CAMTA1: variants seen among roughly 807,000 people sequenced by gnomAD.
CAMTA1 encodes calmodulin-binding transcription activator 1.
Under a neutral mutation model 170.9 loss-of-function variants are expected in CAMTA1, and 27 were observed. That is an observed-to-expected ratio of 0.16 (90% CI 0.12 to 0.22). CAMTA1 has a LOEUF of 0.22. Among genes scored for constraint, CAMTA1 ranks in the 10% least tolerant of loss-of-function variants. CAMTA1 has a pLI of 1.00. For synonymous variants in CAMTA1, 833 were observed against 891.5 expected, an observed-to-expected ratio of 0.93 and a Z score of 1.17; for missense variants, 1,619 against 2,217.2, an observed-to-expected ratio of 0.73 and a Z score of 5.42.
intron 22 of CAMTA1, among the ~76,000 whole-genome samples, chr1:7,756,569 C>G (rs1482366817): frequency 1.3e-5 from 2 of 152,024 alleles, no homozygotes; most frequent in East Asian, 3.9e-4. Context: ...CAGGAATAGG[C>G]CAGGTACGAT....
chr1:7,134,468 A>AATT (rs113900869), intron 4 of CAMTA1, among the ~76,000 whole-genome samples: 5,435 of 151,426 alleles, frequency 0.036, 258 homozygotes, highest in African/African-American at 0.11. Flanking sequence ...TAATTAAACA[A>AATT]ATTATTATTA....
Position 7,736,438 on chromosome 1 carries a change from C to T in CAMTA1, c.3161C>T (p.Ser1054Phe). The change falls in exon 13 of 23, where the codon TCC (serine) becomes TTC (phenylalanine). Residue 1054 changes from serine (S) to phenylalanine (F), a missense_variant. Ser to Phe is a radical substitution (Grantham distance 155). Around this residue, in one of 8 missense-constraint regions of CAMTA1, gnomAD observed 143 missense variants for 184.2 expected, o/e 0.78. Coordinates refer to ENST00000303635, the MANE Select transcript of CAMTA1 (RefSeq NM_015215.4). This position sits in a 1 kb window ranked among gnomAD's most constrained non-coding sequence, Gnocchi z 4.5. ...KMMSRACWAK[S>F]KHLIHSKTFR... ...ATGAGCCGAGCCTGCTGGGCGAAGT[C>T]CAAGCACTTGATCCACTCAAAGACT... 1.2e-6 allele frequency: 2 copies of T among 1,614,076 alleles called. No individual in the cohort carries two copies. The highest frequency in any genetic ancestry group is 1.7e-6 in the Non-Finnish European group (2 of 1,180,032).
chr1:7,750,112 A>C (rs539922216), intron 19 of CAMTA1, among the ~76,000 whole-genome samples: 8 of 152,280 alleles, frequency 5.3e-5, no homozygotes, highest in Admixed American at 1.3e-4. Context: ...CTGAGTGTGT[A>C]GTGTGCACAG....
intron 4 of CAMTA1, among the ~76,000 whole-genome samples, chr1:7,204,032 G>A (rs1657220403): frequency 6.6e-6 from 1 of 151,632 alleles, no homozygotes; most frequent in Admixed American, 6.6e-5. Flanking sequence ...TAGAGATGGG[G>A]TTTCACTGTG....
chr1:7,690,233 G>A (rs1035909271), intron 11 of CAMTA1, among the ~76,000 whole-genome samples: 2 of 152,216 alleles, frequency 1.3e-5, no homozygotes, highest in East Asian at 1.9e-4. Flanking sequence ...TTTCTTTGGC[G>A]AGGTCAAGTT....
chr1:6,869,893 T>G (rs1667892562), intron 3 of CAMTA1, among the ~76,000 whole-genome samples: 1 of 152,124 alleles, frequency 6.6e-6, no homozygotes, highest in African/African-American at 2.4e-5. Flanking sequence ...GATAGAAGAT[T>G]TGGGCTAACA....
intron 4 of CAMTA1, among the ~76,000 whole-genome samples, chr1:7,217,808 CT>C (rs573514807): frequency 8.5e-5 from 13 of 152,180 alleles, no homozygotes; most frequent in African/African-American, 2.9e-4. Flanking sequence ...TTTGTCTTTC[CT>C]TTTTTTGTTT....
chr1:7,137,253 C>T (rs1294353656), intron 4 of CAMTA1, among the ~76,000 whole-genome samples: 1 of 152,208 alleles, frequency 6.6e-6, no homozygotes, highest in Non-Finnish European at 1.5e-5. Context: ...ACTGCTTTCA[C>T]TAGAGTCTAT....
intron 5 of CAMTA1, among the ~76,000 whole-genome samples, chr1:7,459,978 C>T (rs913400795): frequency 6.6e-6 from 1 of 152,244 alleles, no homozygotes; most frequent in Non-Finnish European, 1.5e-5. Context: ...TCCTGGAAAT[C>T]TGCTTCAATA....
intron 5 of CAMTA1, among the ~76,000 whole-genome samples, chr1:7,276,293 A>ATTTTTTTTTTTT (rs1372402055): frequency 9.1e-5 from 2 of 22,056 alleles, no homozygotes; most frequent in African/African-American, 5.4e-4. Context: ...ATATATATAT[A>ATTTTTTTTTTTT]TATATATATA....
At chr1:7,761,920 G>A (rs927800050) in intron 22 of CAMTA1, among the ~76,000 whole-genome samples, 2 of 152,094 alleles carry the variant, frequency 1.3e-5, no homozygotes, top group African/African-American at 4.8e-5. Context: ...GGGGGCTGAG[G>A]CAGGAGAATT....
At chr1:7,753,814 A>G (rs1365607829) in intron 21 of CAMTA1, among the ~76,000 whole-genome samples, 1 of 152,190 alleles carries the variant, frequency 6.6e-6, no homozygotes, top group Non-Finnish European at 1.5e-5. Context: ...ACTTTCCACC[A>G]TGCAAGGATG....
At chr1:7,255,202 G>A (rs1667184279) in intron 5 of CAMTA1, among the ~76,000 whole-genome samples, 1 of 151,922 alleles carries the variant, frequency 6.6e-6, no homozygotes, top group Admixed American at 6.6e-5. Context: ...CAGGTTGATG[G>A]GTGCAGCGAA....
rs1572817801 is a variant in CAMTA1, at chr1:7,067,760, G to A, written c.235-23544G>A. On this transcript the variant is annotated intron_variant, in intron 3 of 22. Coordinates refer to ENST00000303635, the MANE Select transcript of CAMTA1 (RefSeq NM_015215.4). The surrounding 1 kb of genome is among the most constrained non-coding windows in gnomAD (Gnocchi z 4.3). Reference sequence around the variant, plus strand: ...ACCTTGACTGTGTTCAGGTGTCAGTGGCCAAATTCTTGGGGAGATGCCAGG... The same window carrying A: ...ACCTTGACTGTGTTCAGGTGTCAGTAGCCAAATTCTTGGGGAGATGCCAGG... 6.6e-6 allele frequency among the ~76,000 whole-genome samples: 1 copy of A among 152,154 alleles called. No individual in the cohort carries two copies. The highest frequency in any genetic ancestry group is 2.1e-4 in the South Asian group (1 of 4,832).
At chr1:7,576,582 T>C (rs2150364930) in intron 6 of CAMTA1, among the ~76,000 whole-genome samples, 1 of 152,282 alleles carries the variant, frequency 6.6e-6, no homozygotes, top group South Asian at 2.1e-4. Context: ...GATGGTGCCT[T>C]GATCTTGGAC....
intron 1 of CAMTA1, among the ~76,000 whole-genome samples, chr1:6,807,643 C>T (rs1204166920): frequency 6.6e-6 from 1 of 151,540 alleles, no homozygotes; most frequent in African/African-American, 2.4e-5. Context: ...TCGCTTGAAT[C>T]CAGGAGGCGG....
chr1:6,978,092 G>A (rs548097230), intron 3 of CAMTA1, among the ~76,000 whole-genome samples: 40 of 152,220 alleles, frequency 2.6e-4, no homozygotes, highest in South Asian at 8.3e-4. Flanking sequence ...TGGTCAGGGC[G>A]CTGGAGATTG....
intron 11 of CAMTA1, among the ~76,000 whole-genome samples, chr1:7,716,245 C>A (rs185822208): frequency 6.6e-6 from 1 of 152,192 alleles, no homozygotes; most frequent in East Asian, 1.9e-4. Flanking sequence ...GTGGCCCAGG[C>A]TGGTCTCCAA....
At position 7,673,766 on chromosome 1, in the gene CAMTA1, T is replaced by C. The variant is rs1334549802; in HGVS notation, c.2779+2729T>C. On this transcript the variant is annotated intron_variant, in intron 10 of 22. Coordinates refer to ENST00000303635, the MANE Select transcript of CAMTA1 (RefSeq NM_015215.4). This position sits in a 1 kb window ranked among gnomAD's most constrained non-coding sequence, Gnocchi z 4.6. ...TGAGGCCCAAATTGGAACACATTGC[T>C]CTGTAAAACAGCACTGGATGTATTA... is the stretch of plus-strand genomic sequence containing the variant. Among the ~76,000 whole-genome samples the C allele has an allele frequency of 6.6e-6, 1 of 151,114 alleles. No homozygotes were observed. The highest frequency in any genetic ancestry group is 1.9e-4 in the East Asian group (1 of 5,184).
Sources: allele counts gnomAD v4.1 joint callset (sites outside exome capture counted in the v4.1 genomes callset), GRCh38; gene constraint gnomAD v4.1.1; regional missense constraint gnomAD v4.1.1; non-coding constraint Gnocchi (gnomAD v3.1); transcripts MANE v1.5; gene names NCBI Gene and HGNC (gene_info 2026-07-23, HGNC 2026-07-21).